The following FAM13A variants were observed in gnomAD, a reference collection of about 807,000 sequenced individuals.
The protein encoded by FAM13A is family with sequence similarity 13 member A.
A neutral mutation model predicts 129.6 loss-of-function variants in FAM13A; 76 were observed. The ratio of observed to expected loss-of-function variants is 0.59; its 90% CI spans 0.49 to 0.71. The LOEUF (loss-of-function observed/expected upper bound fraction) is 0.71, where lower values mean the gene tolerates loss of function less well. Among genes scored for constraint, FAM13A ranks in the 30% least tolerant of loss-of-function variants. The probability of loss-of-function intolerance (pLI) is 0.00; values close to 1 mark genes in which losing one functional copy is unlikely to be tolerated. For missense variants in FAM13A, 1,108 were observed against 1,249.3 expected (o/e 0.89, Z 1.70); for synonymous variants, 443 against 449.9 (o/e 0.98, Z 0.20).
chr4:89,038,724 T>C (rs2149151870), intron 1 of FAM13A, among the ~76,000 whole-genome samples: 1 of 152,294 alleles, frequency 6.6e-6, no homozygotes, highest in Admixed American at 6.5e-5. Flanking sequence ...AAGGCCTTCT[T>C]TACAGAAGAA....
chr4:88,908,918 A>G (rs542483608), intron 5 of FAM13A, among the ~76,000 whole-genome samples: 23 of 152,312 alleles, frequency 1.5e-4, no homozygotes, highest in South Asian at 8.3e-4. Context: ...ACCTTCCTAT[A>G]AGGCCCATGG....
chr4:88,808,168 C>A (rs933981393), intron 7 of FAM13A, among the ~76,000 whole-genome samples: 1 of 152,092 alleles, frequency 6.6e-6, no homozygotes, highest in East Asian at 1.9e-4. Flanking sequence ...GTAATACAAT[C>A]TAAACAAAGG....
chr4:89,049,011 G>A (rs371555539), intron 1 of FAM13A, among the ~76,000 whole-genome samples: 6 of 152,288 alleles, frequency 3.9e-5, no homozygotes, highest in African/African-American at 1.4e-4. Context: ...CTGAAAAAAT[G>A]TTCTTGGAAA....
chr4:88,736,580 T>G (rs1739028296), intron 21 of FAM13A: 1 of 152,220 alleles, frequency 6.6e-6, no homozygotes, highest in African/African-American at 2.4e-5. Context: ...AATCACTGTT[T>G]TTTAAAAAAT....
At chr4:88,948,980 A>G (rs1200758114) in intron 4 of FAM13A, among the ~76,000 whole-genome samples, 1 of 152,242 alleles carries the variant, frequency 6.6e-6, no homozygotes, top group Non-Finnish European at 1.5e-5. Flanking sequence ...GTTCAAGACT[A>G]AACATTTATT....
At chr4:88,945,990 G>GTGTGTGTGTGTATGTATATATA in intron 4 of FAM13A, among the ~76,000 whole-genome samples, 2 of 61,960 alleles carry the variant, frequency 3.2e-5, no homozygotes, top group Admixed American at 1.7e-4. Context: ...GTGTGTGTGT[G>GTGTGTGTGTGTATGTATATATA]TATATATATA....
intron 4 of FAM13A, among the ~76,000 whole-genome samples, chr4:88,975,443 G>A (rs1403322230): frequency 5.3e-5 from 8 of 152,110 alleles, no homozygotes; most frequent in Admixed American, 1.3e-4. Flanking sequence ...ATTTTTGTGT[G>A]TATATACCTA....
At chr4:88,802,703 T>G (rs1259258658) in intron 8 of FAM13A, among the ~76,000 whole-genome samples, 2 of 152,176 alleles carry the variant, frequency 1.3e-5, no homozygotes, top group African/African-American at 4.8e-5. Flanking sequence ...TCTTCTCCCC[T>G]AGCCACAGCA....
At chr4:88,941,008 C>G (rs1754671913) in intron 4 of FAM13A, among the ~76,000 whole-genome samples, 1 of 152,182 alleles carries the variant, frequency 6.6e-6, no homozygotes, top group Non-Finnish European at 1.5e-5. Context: ...GTTGATAAAA[C>G]TACTCAGCTG....
intron 3 of FAM13A, among the ~76,000 whole-genome samples, chr4:88,999,994 C>T (rs1276888678): frequency 1.3e-5 from 2 of 152,052 alleles, no homozygotes; most frequent in Non-Finnish European, 2.9e-5. Context: ...AACATAAAAG[C>T]ATTACTAAAA....
intron 3 of FAM13A, among the ~76,000 whole-genome samples, chr4:89,019,266 G>A (rs1183600741): frequency 6.6e-6 from 1 of 152,108 alleles, no homozygotes; most frequent in Non-Finnish European, 1.5e-5. Flanking sequence ...ATGTGAATAG[G>A]TACACCACTG....
chr4:88,983,100 T>C (rs1020947952), intron 4 of FAM13A, among the ~76,000 whole-genome samples: 1 of 152,180 alleles, frequency 6.6e-6, no homozygotes, highest in Non-Finnish European at 1.5e-5. Flanking sequence ...GTTCAACTTC[T>C]GCCTAATCCT....
At chr4:88,761,168 A>AT (rs1005581931) in intron 13 of FAM13A, among the ~76,000 whole-genome samples, 10 of 152,298 alleles carry the variant, frequency 6.6e-5, no homozygotes, top group Middle Eastern at 3.4e-3. Flanking sequence ...TTAAAATGGC[A>AT]TAAGTGATAC....
At chr4:89,051,601 T>C (rs182180475) in intron 1 of FAM13A, among the ~76,000 whole-genome samples, 1 of 152,256 alleles carries the variant, frequency 6.6e-6, no homozygotes, top group Non-Finnish European at 1.5e-5. Flanking sequence ...AAGTCTCATC[T>C]AAATATCATC....
At chr4:89,050,311 G>A (rs745349697) in intron 1 of FAM13A, among the ~76,000 whole-genome samples, 12 of 151,878 alleles carry the variant, frequency 7.9e-5, no homozygotes, top group African/African-American at 2.2e-4. Flanking sequence ...CAAGAGATCC[G>A]CATGCATCAG....
intron 4 of FAM13A, among the ~76,000 whole-genome samples, chr4:88,949,357 A>G (rs1430205815): frequency 6.6e-6 from 1 of 152,192 alleles, no homozygotes; most frequent in Non-Finnish European, 1.5e-5. Flanking sequence ...GTCCACATAC[A>G]TTCCATGCAG....
At chr4:88,927,725 T>C (rs1473814709) in intron 5 of FAM13A, among the ~76,000 whole-genome samples, 2 of 152,060 alleles carry the variant, frequency 1.3e-5, no homozygotes, top group African/African-American at 4.8e-5. Flanking sequence ...TCATTTCTGA[T>C]TGTGTGTTTA....
At chr4:89,020,704 GTTTCTCACAGACA>G in intron 2 of FAM13A, 35 bp from the exon 3 acceptor site, 1 of 1,396,980 alleles carries the variant, frequency 7.2e-7, no homozygotes, top group South Asian at 1.2e-5. Context: ...AAATAAATAG[GTTTCTCACAGACA>G]TGAAACGTAA....
chr4:88,981,292 A>C (rs1356235257), intron 4 of FAM13A, among the ~76,000 whole-genome samples: 1 of 152,218 alleles, frequency 6.6e-6, no homozygotes, highest in African/African-American at 2.4e-5. Flanking sequence ...AATGAGTTTA[A>C]TGCAAAGTGC....
Sources: allele counts gnomAD v4.1 joint callset (sites outside exome capture counted in the v4.1 genomes callset), GRCh38; gene constraint gnomAD v4.1.1; transcripts MANE v1.5; gene names NCBI Gene and HGNC (gene_info 2026-07-23, HGNC 2026-07-21).